Variants in TNS2 observed in about 807,000 individuals in gnomAD.
TNS2 encodes tensin 2.
Under a neutral mutation model 155.7 loss-of-function variants are expected in TNS2, and 77 were observed. That is an observed-to-expected ratio of 0.49 (90% CI 0.41 to 0.60). TNS2 has a LOEUF of 0.60. Among genes scored for constraint, TNS2 ranks in the 20% least tolerant of loss-of-function variants. The probability of loss-of-function intolerance (pLI) is 0.00; values close to 1 mark genes in which losing one functional copy is unlikely to be tolerated. For missense variants in TNS2, 1,703 were observed against 1,868.8 expected (o/e 0.91, Z 1.64); for synonymous variants, 726 against 763.9 (o/e 0.95, Z 0.82).
In TNS2 at chr12:53,063,622, C is replaced by T. The variant is rs773893981; in HGVS notation, c.4091+30C>T. 11 of 1,614,092 alleles carry T rather than the reference C, an allele frequency of 6.8e-6. No homozygotes were observed. The highest frequency in any genetic ancestry group is 3.3e-5 in the South Asian group (3 of 91,088). ...GCCTCCCCACGAATTCAGCCTCTTC[C>T]TTCCAAGGGACCAGGGCGCTGCTGT... On this transcript the variant is annotated intron_variant, in intron 28 of 28. Transcript: ENST00000314250. This position sits in a 1 kb window ranked among gnomAD's most constrained non-coding sequence, Gnocchi z 5.6.
At chr12:53,056,006 C>A in intron 10 of TNS2, 161 bp downstream of exon 10, 1 of 707,376 alleles carries the variant, frequency 1.4e-6, no homozygotes, top group Non-Finnish European at 2.3e-6. Context: ...GCAACATAGT[C>A]TGCAGCAGAT....
chr12:53,057,009 C>G lies in TNS2; in HGVS notation c.762-4C>G. 6.2e-7 allele frequency: 1 copy of G among 1,612,896 alleles called. No individual in the cohort carries two copies. The highest frequency in any genetic ancestry group is 8.5e-7 in the Non-Finnish European group (1 of 1,179,644). On this transcript the variant is annotated splice_region_variant and splice_polypyrimidine_tract_variant and intron_variant, in intron 10 of 28. Transcript: ENST00000314250. The stretch of plus-strand genomic sequence containing the variant: ...ATCCCCAACACTGGCCTTGCTATCC[C>G]CAGGGCGGACCAGGCACTGGCCACT...
At position 53,054,898 on chromosome 12, in the gene TNS2, T is replaced by C. The variant is rs539918103; in HGVS notation, c.523-288T>C. Among the ~76,000 whole-genome samples the C allele has an allele frequency of 6.1e-5, 9 of 147,594 alleles. No homozygotes were observed. The South Asian group carries it at 2.0e-3, about 32-fold the overall frequency. On this transcript the variant is annotated intron_variant, in intron 7 of 28. Transcript: ENST00000314250. ...TTTGTAGAGACGGGGTTTCGCCATG[T>C]TGGCCAGGCTGGTCTCAAGACTCCA...
chr12:53,049,247 A>G, upstream of TNS2: 1 of 1,606,968 alleles, frequency 6.2e-7, no homozygotes, highest in Non-Finnish European at 8.5e-7. Context: ...AGAGCCATGA[A>G]GGTAGTACTC....
At chr12:53,052,411 C>G (rs1387175268) in intron 2 of TNS2, 44 bp from the exon 3 acceptor site, 3 of 1,612,760 alleles carry the variant, frequency 1.9e-6, no homozygotes, top group Non-Finnish European at 2.5e-6. Flanking sequence ...TTCCACTGTC[C>G]CACAGGCCCC....
At position 53,050,706 on chromosome 12, in the gene TNS2, C is replaced by A. The variant is rs868747520; in HGVS notation, c.75+446C>A. ...TTTGGAACTGGAGGTTTGCTTTCCA[C>A]TGACAACATCCATATCTGCTGCTAA... On this transcript the variant is annotated intron_variant, in intron 1 of 28. Coordinates refer to ENST00000314250, the MANE Select transcript of TNS2 (RefSeq NM_170754.4). This position sits in a 1 kb window ranked among gnomAD's most constrained non-coding sequence, Gnocchi z 4.7. 1.3e-5 allele frequency among the ~76,000 whole-genome samples: 2 copies of A among 152,164 alleles called. No individual in the cohort carries two copies.
Position 53,059,486 on chromosome 12 carries a change from C to T in TNS2, c.1845C>T (p.Thr615=), listed in dbSNP as rs1387074427. 6.4e-7 allele frequency: 1 copy of T among 1,561,448 alleles called. No homozygotes were observed. The highest frequency in any genetic ancestry group is 8.6e-7 in the Non-Finnish European group (1 of 1,157,840). ...PNGGYYRPEG[T]LERRRLAYGG... ...GGGGCTACTACCGGCCAGAGGGAAC[C>T]CTGGAGAGGAGGCGACTGGCCTACG... Residue 615 remains threonine, a synonymous_variant, in exon 18 of 29, where the codon ACC becomes ACT. Coordinates refer to ENST00000314250, the MANE Select transcript of TNS2 (RefSeq NM_170754.4). This position sits in a 1 kb window ranked among gnomAD's most constrained non-coding sequence, Gnocchi z 4.7.
At chr12:53,055,471 TTGCCCCCGGACC>T in intron 8 of TNS2, 85 bp from the exon 9 acceptor site, 1 of 1,456,422 alleles carries the variant, frequency 6.9e-7, no homozygotes, top group South Asian at 1.3e-5. Flanking sequence ...ACCCCCAGCC[TTGCCCCCGGACC>T]CCTATGCCCT....
chr12:53,057,044 C>A lies in TNS2; in HGVS notation c.793C>A (p.Arg265=), dbSNP rs540051071. 9.3e-6 allele frequency: 15 copies of A among 1,613,640 alleles called. No individual in the cohort carries two copies. Among genetic ancestry groups the A allele is most frequent in the South Asian group, 7.7e-5 (7 of 90,960 alleles). Residue 265 remains arginine, a synonymous_variant, in exon 11 of 29, where the codon CGG becomes AGG. Transcript: ENST00000314250. ...CCAGGCACTGGCCACTCTTACCATG[C>A]GGAAATTCTGCGAGGACAAGGTGGC... ...ADQALATLTM[R]KFCEDKVATE...
rs747859868 is a variant in TNS2 at position 53,056,991 on chromosome 12, A to G, written c.762-22A>G. The G allele has an allele frequency of 3.1e-6, 5 of 1,610,032 alleles. 1 individual carries two copies. The South Asian group carries it at 5.6e-5, about 18-fold the overall frequency. Reference sequence around the variant, plus strand: ...GATGAAGATTAATCCCTAATCCCCAACACTGGCCTTGCTATCCCCAGGGCG... The same window carrying G: ...GATGAAGATTAATCCCTAATCCCCAGCACTGGCCTTGCTATCCCCAGGGCG... On this transcript the variant is annotated intron_variant, in intron 10 of 28. Coordinates refer to ENST00000314250, the MANE Select transcript of TNS2 (RefSeq NM_170754.4).
upstream of TNS2, chr12:53,050,009 C>T (rs960865899): frequency 7.0e-7 from 1 of 1,433,266 alleles, no homozygotes. This position sits in a 1 kb window ranked among gnomAD's most constrained non-coding sequence, Gnocchi z 4.7. Flanking sequence ...CGACCTGCCC[C>T]CTTCCCGCCT....
At position 53,059,353 on chromosome 12, in the gene TNS2, C is replaced by G; in HGVS notation, c.1712C>G (p.Thr571Ser). The G allele has an allele frequency of 6.9e-7, 1 of 1,452,388 alleles. No individual in the cohort carries two copies. The highest frequency in any genetic ancestry group is 9.1e-7 in the Non-Finnish European group (1 of 1,103,906). 90.0% of individuals were successfully genotyped at this position (1,452,388 alleles called of 1,614,324 possible). Residue 571 changes from threonine to serine, a missense_variant, in exon 18 of 29, where the codon ACT (threonine) becomes AGT (serine). Thr to Ser is a moderately conservative substitution (Grantham distance 58). Coordinates refer to ENST00000314250, the MANE Select transcript of TNS2 (RefSeq NM_170754.4). This position sits in a 1 kb window ranked among gnomAD's most constrained non-coding sequence, Gnocchi z 4.7. ...ATCCTAGATGACGAAGAGCAGCCCA[C>G]TGTGGGCGGAGGCCCCCACCTCGGA... ...TAILDDEEQP[T>S]VGGGPHLGVY...
In TNS2 at chr12:53,063,604, C is replaced by T. The variant is rs745596220; in HGVS notation, c.4091+12C>T. 7.4e-6 allele frequency: 12 copies of T among 1,614,074 alleles called. No individual in the cohort carries two copies. The highest frequency in any genetic ancestry group is 8.5e-7 in the Non-Finnish European group (1 of 1,180,042). ...GGGACCACCTCCAAGTAAGCCTCCCCACGAATTCAGCCTCTTCCTTCCAAG... is the reference window on the plus strand; with the variant it reads ...GGGACCACCTCCAAGTAAGCCTCCCTACGAATTCAGCCTCTTCCTTCCAAG... On this transcript the variant is annotated intron_variant, in intron 28 of 28. Coordinates refer to ENST00000314250, the MANE Select transcript of TNS2 (RefSeq NM_170754.4). The surrounding 1 kb of genome is among the most constrained non-coding windows in gnomAD (Gnocchi z 5.6).
chr12:53,062,909 G>A (rs1944428322), intron 25 of TNS2, 180 bp from the exon 26 acceptor site: 2 of 956,750 alleles, frequency 2.1e-6, no homozygotes, highest in Admixed American at 2.9e-5. Flanking sequence ...GTGGTAGCAG[G>A]GAGGCTTCTC....
At position 53,060,656 on chromosome 12, in the gene TNS2, C is replaced by G. The variant is rs1239451564; in HGVS notation, c.2769-19C>G. The G allele has an allele frequency of 6.3e-7, 1 of 1,582,600 alleles. No individual in the cohort carries two copies. Among genetic ancestry groups the G allele is most frequent in the South Asian group, 1.1e-5 (1 of 88,344 alleles). On this transcript the variant is annotated intron_variant, in intron 19 of 28. Transcript: ENST00000314250. The surrounding 1 kb of genome is among the most constrained non-coding windows in gnomAD (Gnocchi z 6.1). ...CCACAATGGGGGCTCTGCTGACCAT[C>G]TGCCCTTCCACCCTACAGCACCCGG...
chr12:53,059,813 T>C lies in TNS2; in HGVS notation c.2172T>C (p.Pro724=). 1.2e-6 allele frequency: 2 copies of C among 1,612,754 alleles called. No individual in the cohort carries two copies. The highest frequency in any genetic ancestry group is 1.7e-6 in the Non-Finnish European group (2 of 1,179,826). ...GEGWASEAGK[P]LLHPVRPGHP... is the part of the protein sequence containing the mutation. ...GGTGGGCAAGTGAGGCTGGCAAGCC[T>C]CTCCTGCACCCAGTGCGGCCTGGGC... The change falls in exon 18 of 29, where the codon CCT becomes CCC. Residue 724 remains proline (P), a synonymous_variant. Transcript: ENST00000314250. The surrounding 1 kb of genome is among the most constrained non-coding windows in gnomAD (Gnocchi z 4.7).
rs759351753 is a variant in TNS2, at chr12:53,059,196, C to T, written c.1555C>T (p.Leu519=). ...VSSDSGHSST[L]TTEPAAESPG... is the part of the protein sequence containing the mutation. ...CAGCGACTCAGGCCATTCCTCCACG[C>T]TGACCACAGAGCCGGCTGCTGAGTC... Residue 519 remains leucine, a synonymous_variant, in exon 18 of 29, where the codon CTG becomes TTG. Transcript: ENST00000314250. This position sits in a 1 kb window ranked among gnomAD's most constrained non-coding sequence, Gnocchi z 4.7. The T allele has an allele frequency of 6.3e-7, 1 of 1,597,110 alleles. No individual in the cohort carries two copies. The highest frequency in any genetic ancestry group is 2.2e-5 in the East Asian group (1 of 44,728).
intron 7 of TNS2, among the ~76,000 whole-genome samples, 187 bp from the exon 8 acceptor site, chr12:53,054,999 G>T (rs1944094248): frequency 1.3e-5 from 2 of 151,994 alleles, no homozygotes; most frequent in African/African-American, 4.8e-5. Flanking sequence ...GGCCAGGCTG[G>T]TCTCGAACTC....
Position 53,063,683 on chromosome 12 carries a change from G to T in TNS2, c.4092-61G>T, listed in dbSNP as rs1944457300. On this transcript the variant is annotated intron_variant, in intron 28 of 28. Coordinates refer to ENST00000314250, the MANE Select transcript of TNS2 (RefSeq NM_170754.4). The surrounding 1 kb of genome is among the most constrained non-coding windows in gnomAD (Gnocchi z 5.6). ...CTGGCATTTGATTTGTCTCACCAAGGCCAGCTACATTCCCTTGTGGAAGGA... is the reference window on the plus strand; with the variant it reads ...CTGGCATTTGATTTGTCTCACCAAGTCCAGCTACATTCCCTTGTGGAAGGA... 1 of 1,614,036 alleles carries T rather than the reference G, an allele frequency of 6.2e-7. No homozygotes were observed. The highest frequency in any genetic ancestry group is 1.1e-5 in the South Asian group (1 of 91,086).
Sources: gnomAD v4.1 joint callset for allele counts (sites outside exome capture counted in the v4.1 genomes callset) on GRCh38, gnomAD v4.1.1 for gene constraint, Gnocchi (gnomAD v3.1) non-coding constraint, MANE v1.5 for transcripts, NCBI Gene and HGNC (gene_info 2026-07-23, HGNC 2026-07-21) for gene names.